The following ELF4 variants were observed in gnomAD, a reference collection of about 807,000 sequenced individuals.
ELF4 encodes E74 like ETS transcription factor 4, also known as ETS-related transcription factor Elf-4.
In ELF4, 10 loss-of-function variants were observed where a neutral mutation model predicts 31.7. The ratio of observed to expected loss-of-function variants is 0.32; its 90% CI spans 0.19 to 0.54. The LOEUF is 0.54. ELF4 is among the 20% of genes least tolerant of loss of function. The pLI, the probability that ELF4 is intolerant of heterozygous loss-of-function variation, is 0.95. For missense variants in ELF4, 418 were observed against 522.0 expected (o/e 0.80, Z 1.94); for synonymous variants, 208 against 226.7 (o/e 0.92, Z 0.74).
chrX:130,093,885 G>A (rs1603208042), intron 1 of ELF4, among the ~76,000 whole-genome samples: 1 of 112,031 alleles, frequency 8.9e-6, no homozygotes, highest in Admixed American at 9.5e-5. Context: ...TCTCAGCTCG[G>A]GGCCATATTC....
chrX:130,107,403 G>A lies in ELF4; in HGVS notation c.-210+2922C>T, dbSNP rs922556647. ...GCATCTAGACCAGAATCTGGCCAGG[G>A]TCTTCAGGCAAAGAGAAGCCCCCAA... On this transcript the variant is annotated intron_variant, in intron 1 of 8. Transcript: ENST00000308167. 2.7e-5 allele frequency among the ~76,000 whole-genome samples: 3 copies of A among 111,972 alleles called. No individual in the cohort carries two copies. The Admixed American group carries it at 2.8e-4, about 11-fold the overall frequency.
intron 7 of ELF4, 137 bp downstream of exon 7, chrX:130,070,903 A>G (rs1346898963): frequency 7.8e-6 from 7 of 903,182 alleles, no homozygotes; most frequent in Non-Finnish European, 1.1e-5. Context: ...ACATAGGAGC[A>G]AGCTAAGAGG....
At chrX:130,075,337 C>T (rs1187442295) in intron 2 of ELF4, among the ~76,000 whole-genome samples, 4 of 102,912 alleles carry the variant, frequency 3.9e-5, no homozygotes, top group African/African-American at 3.6e-5. Context: ...AGGGCAGTGG[C>T]GCAATCTTGG....
chrX:130,102,920 AAGAG>A (rs1171146712), intron 1 of ELF4, among the ~76,000 whole-genome samples: 4 of 101,003 alleles, frequency 4.0e-5, no homozygotes, highest in Non-Finnish European at 8.2e-5. Flanking sequence ...GAAAGAAAGA[AAGAG>A]AGAGAAGGAG....
At position 130,079,526 on chromosome X, in the gene ELF4, G is replaced by T. The variant is rs138774882; in HGVS notation, c.75+1730C>A. 7.0e-3 allele frequency among the ~76,000 whole-genome samples: 777 copies of T among 111,682 alleles called. 8 individuals are homozygous for T. The highest frequency in any genetic ancestry group is 0.024 in the African/African-American group (738 of 30,736). On this transcript the variant is annotated intron_variant, in intron 2 of 8. Coordinates refer to ENST00000308167, the MANE Select transcript of ELF4 (RefSeq NM_001421.4). ...TGATGGATGGTTTGAGGTCTTAAGGGATGCAGGAGAGAACAGATTAAGTAC... is the reference window on the plus strand; with the variant it reads ...TGATGGATGGTTTGAGGTCTTAAGGTATGCAGGAGAGAACAGATTAAGTAC...
rs1932692157 is a variant in ELF4, at chrX:130,067,076, T to C, written c.1637A>G (p.Tyr546Cys). 5 of 1,209,684 alleles carry C rather than the reference T, an allele frequency of 4.1e-6. No homozygotes were observed. The highest frequency in any genetic ancestry group is 5.6e-6 in the Non-Finnish European group (5 of 894,016). The change falls in exon 9 of 9, where the codon TAT becomes TGT. Residue 546 changes from tyrosine (Y) to cysteine (C), a missense_variant. Around this residue, in one of 4 missense-constraint regions of ELF4, gnomAD observed 260 missense variants for 269.2 expected, o/e 0.97. Coordinates refer to ENST00000308167, the MANE Select transcript of ELF4 (RefSeq NM_001421.4). ...GGCCCCCGTCACCATACCCTGAACA[T>C]AGGAGGAGGACCTCAGTGGCCCCTC... ...VKEGPLRSSS[Y>C]VQGMVTGAPM...
Position 130,069,505 on chromosome X carries a change from G to T in ELF4, c.982C>A (p.Arg328=). ...GATGAGACCCTGGAGCTGGTTCGCC[G>T]GGTGGTACTGGCAGAGGCCACAGAG... ...TASVASASTT[R]RTSSRVSSRS... The change falls in exon 8 of 9, where the codon CGG becomes AGG. Residue 328 remains arginine (R), a synonymous_variant. Transcript: ENST00000308167. The T allele has an allele frequency of 8.2e-7, 1 of 1,212,417 alleles. No individual in the cohort carries two copies. Among genetic ancestry groups the T allele is most frequent in the African/African-American group, 1.7e-5 (1 of 58,098 alleles).
At chrX:130,091,924 G>C (rs1479371304) in intron 1 of ELF4, among the ~76,000 whole-genome samples, 2 of 111,750 alleles carry the variant, frequency 1.8e-5, no homozygotes, top group East Asian at 5.6e-4. Context: ...CAGAACAAAA[G>C]CTTACAGAAG....
chrX:130,067,624 G>A (rs904151314), intron 8 of ELF4, 99 bp from the exon 9 acceptor site: 17 of 897,536 alleles, frequency 1.9e-5, no homozygotes, highest in East Asian at 9.5e-5. Flanking sequence ...GGTGTTTGTC[G>A]ATTTATTTGC....
At chrX:130,082,645 C>T (rs1212536459) in intron 1 of ELF4, among the ~76,000 whole-genome samples, 2 of 111,764 alleles carry the variant, frequency 1.8e-5, no homozygotes, top group African/African-American at 6.5e-5. Flanking sequence ...CTCCTCAGGG[C>T]TGTCAGTGCC....
intron 5 of ELF4, among the ~76,000 whole-genome samples, chrX:130,072,010 G>A (rs1932791674): frequency 8.9e-6 from 1 of 112,186 alleles, no homozygotes; most frequent in African/African-American, 3.2e-5. Context: ...TTCTGAAAGA[G>A]TTTATGCAGA....
chrX:130,070,644 C>T (rs1343377800), intron 7 of ELF4, among the ~76,000 whole-genome samples: 2 of 104,857 alleles, frequency 1.9e-5, no homozygotes, highest in Non-Finnish European at 3.9e-5. Context: ...TGGTGGCATG[C>T]GCCTGTAATC....
chrX:130,081,779 G>A (rs771659965), intron 1 of ELF4, among the ~76,000 whole-genome samples: 1 of 112,253 alleles, frequency 8.9e-6, no homozygotes, highest in African/African-American at 3.2e-5. Flanking sequence ...GAGTGTTGGT[G>A]CCCGTCTGGG....
At chrX:130,083,141 G>A (rs1421399335) in intron 1 of ELF4, among the ~76,000 whole-genome samples, 1 of 83,951 alleles carries the variant, frequency 1.2e-5, no homozygotes, top group East Asian at 4.1e-4. Flanking sequence ...CCAACAAAAA[G>A]TCGGGAGAAG....
At chrX:130,101,449 A>G in intron 1 of ELF4, among the ~76,000 whole-genome samples, 1 of 112,359 alleles carries the variant, frequency 8.9e-6, no homozygotes, top group South Asian at 3.6e-4. Context: ...AAAGATAAGC[A>G]TCATCTAAAA....
At chrX:130,075,132 C>A (rs901948483) in intron 2 of ELF4, among the ~76,000 whole-genome samples, 1 of 110,863 alleles carries the variant, frequency 9.0e-6, no homozygotes, top group Non-Finnish European at 1.9e-5. Context: ...CCATGCCTGG[C>A]TAATTTTTAT....
At chrX:130,110,911 C>T (rs1200983102), upstream of ELF4, among the ~76,000 whole-genome samples, 2 of 97,347 alleles carry the variant, frequency 2.1e-5, no homozygotes, top group Non-Finnish European at 4.2e-5. Flanking sequence ...ACACACGTCC[C>T]CGCAGGCGGC....
At chrX:130,083,339 T>C (rs750678412) in intron 1 of ELF4, among the ~76,000 whole-genome samples, 2 of 102,660 alleles carry the variant, frequency 1.9e-5, no homozygotes, top group Non-Finnish European at 4.0e-5. Flanking sequence ...AGGCCATTTA[T>C]GCTTGGAAGG....
chrX:130,073,308 C>T (rs189698648), intron 4 of ELF4, among the ~76,000 whole-genome samples: 2 of 110,793 alleles, frequency 1.8e-5, no homozygotes, highest in East Asian at 2.9e-4. Flanking sequence ...AGGCCAGTCT[C>T]GAACTCCTGA....
Sources: allele counts gnomAD v4.1 joint callset (sites outside exome capture counted in the v4.1 genomes callset), GRCh38; gene constraint gnomAD v4.1.1; regional missense constraint gnomAD v4.1.1; transcripts MANE v1.5; gene names NCBI Gene and HGNC (gene_info 2026-07-23, HGNC 2026-07-21).